Variants in COL4A3 observed in about 807,000 individuals in gnomAD.
COL4A3 encodes the protein collagen type IV alpha 3 chain.
COL4A3 carries 135 observed loss-of-function variants against 217.4 expected under a neutral mutation model. That is an observed-to-expected ratio of 0.62 (90% CI 0.54 to 0.72). COL4A3 has a LOEUF of 0.72. COL4A3 is among the 30% of genes least tolerant of loss of function. The pLI is 0.00. For synonymous variants in COL4A3, 690 were observed against 736.3 expected, an observed-to-expected ratio of 0.94 and a Z score of 1.02; for missense variants, 1,868 against 2,119.9, an observed-to-expected ratio of 0.88 and a Z score of 2.33.
At chr2:227,205,708 A>ATTTTTTTT (rs1429611680) in intron 1 of COL4A3, among the ~76,000 whole-genome samples, 4 of 123,582 alleles carry the variant, frequency 3.2e-5, no homozygotes, top group Non-Finnish European at 7.2e-5. Context: ...AATTCAACAA[A>ATTTTTTTT]TATTTTTTTT....
intron 23 of COL4A3, among the ~76,000 whole-genome samples, chr2:227,269,404 C>T (rs1311782722): frequency 2.0e-5 from 3 of 152,110 alleles, no homozygotes; most frequent in Non-Finnish European, 2.9e-5. Flanking sequence ...AATGATGGCT[C>T]GCCAACACAA....
chr2:227,186,576 T>C (rs578227856), intron 1 of COL4A3, among the ~76,000 whole-genome samples: 1 of 152,316 alleles, frequency 6.6e-6, no homozygotes, highest in East Asian at 1.9e-4. Flanking sequence ...GTTCTTCCCT[T>C]AGGCCAACCT....
At chr2:227,215,178 C>T (rs955097715) in intron 1 of COL4A3, among the ~76,000 whole-genome samples, 1 of 151,858 alleles carries the variant, frequency 6.6e-6, no homozygotes, top group African/African-American at 2.4e-5. Context: ...AATGAAAAGT[C>T]ATTATCGTTT....
At chr2:227,205,341 AAATT>A (rs559602615) in intron 1 of COL4A3, among the ~76,000 whole-genome samples, 11 of 151,306 alleles carry the variant, frequency 7.3e-5, no homozygotes, top group Non-Finnish European at 1.5e-4. Flanking sequence ...CAAATAAAAT[AAATT>A]AACTTTTGAT....
At chr2:227,305,210 G>A in intron 47 of COL4A3, 127 bp downstream of exon 47, 1 of 779,294 alleles carries the variant, frequency 1.3e-6, no homozygotes, top group Middle Eastern at 2.3e-4. Flanking sequence ...CAGACCAAAG[G>A]CCAAGGATCA....
intron 1 of COL4A3, among the ~76,000 whole-genome samples, chr2:227,233,941 G>C (rs1380105657): frequency 6.6e-6 from 1 of 152,196 alleles, no homozygotes; most frequent in Admixed American, 6.5e-5. Context: ...TGATGGATTT[G>C]CTAAAAATCA....
rs924290317 is a variant in COL4A3 at position 227,267,014 on chromosome 2, C to T, written c.1430C>T (p.Thr477Ile). ...GPKGEPGLLC[T>I]QCPYIPGPPG... Reference sequence around the variant, plus strand: ...GCAGGAGAACCAGGCCTCCTGTGTACACAGTGCCCTTATATCCCAGGGCCT... The same window carrying T: ...GCAGGAGAACCAGGCCTCCTGTGTATACAGTGCCCTTATATCCCAGGGCCT... Residue 477 changes from threonine to isoleucine, a missense_variant, in exon 23 of 52, where the codon ACA becomes ATA. Transcript: ENST00000396578. The T allele has an allele frequency of 1.5e-5, 25 of 1,613,854 alleles. No homozygotes were observed. The East Asian group carries it at 5.6e-4, about 36-fold the overall frequency.
intron 1 of COL4A3, among the ~76,000 whole-genome samples, chr2:227,222,197 C>A (rs867566457): frequency 2.9e-4 from 43 of 150,310 alleles, no homozygotes; most frequent in African/African-American, 1.0e-3. Context: ...CTTAAGCACC[C>A]TTGACATACA....
intron 47 of COL4A3, among the ~76,000 whole-genome samples, chr2:227,307,262 TTA>T (rs2073546096): frequency 6.6e-6 from 1 of 152,252 alleles, no homozygotes; most frequent in African/African-American, 2.4e-5. Context: ...CTGCAATTGT[TTA>T]TTGTAGACAA....
At chr2:227,267,994 C>T (rs1391982651) in intron 23 of COL4A3, among the ~76,000 whole-genome samples, 1 of 152,158 alleles carries the variant, frequency 6.6e-6, no homozygotes, top group Admixed American at 6.5e-5. Flanking sequence ...AAGTACAAAA[C>T]GTCTCTGTTT....
chr2:227,280,347 T>G (rs572121960), intron 29 of COL4A3, 93 bp from the exon 30 acceptor site: 243 of 1,415,102 alleles, frequency 1.7e-4, no homozygotes, highest in African/African-American at 2.8e-5. Flanking sequence ...GTAGTGGCTG[T>G]GCAACAGGGA....
intron 1 of COL4A3, among the ~76,000 whole-genome samples, chr2:227,168,229 C>T (rs908982523): frequency 3.9e-5 from 6 of 152,216 alleles, no homozygotes; most frequent in African/African-American, 1.2e-4. Flanking sequence ...CTAAGTGGTT[C>T]GTAGAGAAAA....
chr2:227,206,401 G>T (rs2067103481), intron 1 of COL4A3, among the ~76,000 whole-genome samples: 1 of 152,112 alleles, frequency 6.6e-6, no homozygotes, highest in Non-Finnish European at 1.5e-5. Flanking sequence ...GTGCAAGGAG[G>T]TTCTCGGAAA....
chr2:227,222,113 A>T (rs1459004834), intron 1 of COL4A3, among the ~76,000 whole-genome samples: 1 of 143,214 alleles, frequency 7.0e-6, no homozygotes. Flanking sequence ...ACATACGGAG[A>T]CACTGTCTCT....
Position 227,256,263 on chromosome 2 carries a change from G to A in COL4A3, c.934-80G>A, listed in dbSNP as rs1488351700. ...CTGAGCACATTCTTTTGTTTCAGAG[G>A]AGTTCAAATTGCACCTGCTCCCCCA... On this transcript the variant is annotated intron_variant, in intron 16 of 51. Coordinates refer to ENST00000396578, the MANE Select transcript of COL4A3 (RefSeq NM_000091.5). 9 of 1,290,298 alleles carry A rather than the reference G, an allele frequency of 7.0e-6. No individual in the cohort carries two copies. The East Asian group carries it at 2.1e-4, about 30-fold the overall frequency. The allele number at this position is 1,290,298 out of a possible 1,614,324, so 79.9% of individuals were successfully genotyped here.
intron 48 of COL4A3, among the ~76,000 whole-genome samples, chr2:227,308,380 T>C (rs1022059187): frequency 6.6e-6 from 1 of 152,086 alleles, no homozygotes; most frequent in Non-Finnish European, 1.5e-5. Context: ...ACCAAGCTAA[T>C]TTTTTTGATT....
At chr2:227,180,493 C>G (rs1238444302) in intron 1 of COL4A3, among the ~76,000 whole-genome samples, 1 of 152,198 alleles carries the variant, frequency 6.6e-6, no homozygotes, top group Admixed American at 6.5e-5. Context: ...CATCCCCACA[C>G]CCTACAAGGG....
intron 1 of COL4A3, among the ~76,000 whole-genome samples, chr2:227,204,741 G>A (rs1364119358): frequency 2.0e-5 from 3 of 152,198 alleles, no homozygotes; most frequent in Non-Finnish European, 4.4e-5. Flanking sequence ...CCGTTCATGC[G>A]TAGCTTCCAT....
chr2:227,270,011 T>G, intron 24 of COL4A3, 31 bp downstream of exon 24: 1 of 1,574,744 alleles, frequency 6.4e-7, no homozygotes, highest in Non-Finnish European at 8.7e-7. Context: ...ATCTTTAGCT[T>G]CAATTTGACA....
Sources: gnomAD v4.1 joint callset for allele counts (sites outside exome capture counted in the v4.1 genomes callset) on GRCh38, gnomAD v4.1.1 for gene constraint, MANE v1.5 for transcripts, NCBI Gene and HGNC (gene_info 2026-07-23, HGNC 2026-07-21) for gene names.